SEZ6: variants seen among roughly 807,000 people sequenced by gnomAD.
The protein encoded by SEZ6 is seizure related 6 homolog.
A neutral mutation model predicts 101.0 loss-of-function variants in SEZ6; 53 were observed. That is an observed-to-expected ratio of 0.52 (90% confidence interval 0.42 to 0.66). The LOEUF is 0.66. Ranked by LOEUF, SEZ6 falls within the 30% of genes least tolerant of loss-of-function variation. SEZ6 has a pLI of 0.00. For synonymous variants in SEZ6, 488 were observed against 512.2 expected (o/e 0.95, Z 0.64); for missense variants, 1,102 against 1,289.4 (o/e 0.85, Z 2.23).
rs755124871 is a variant in SEZ6 at position 28,955,909 on chromosome 17, G to A, written c.*53C>T. 2.4e-5 allele frequency: 38 copies of A among 1,591,516 alleles called. No individual in the cohort carries two copies. The highest frequency in any genetic ancestry group is 3.2e-5 in the Non-Finnish European group (37 of 1,165,846). On this transcript the variant is annotated 3_prime_UTR_variant, in exon 17 of 17. Transcript: ENST00000317338. Reference sequence around the variant, plus strand: ...AAGCAAGGAGCCTTGCTGCTGGACTGTGGTGCAAGTCTGAGTTGACTTCCC... The same window carrying A: ...AAGCAAGGAGCCTTGCTGCTGGACTATGGTGCAAGTCTGAGTTGACTTCCC...
chr17:28,986,076 CA>C (rs1266859172), intron 1 of SEZ6, among the ~76,000 whole-genome samples: 3 of 152,260 alleles, frequency 2.0e-5, no homozygotes, highest in African/African-American at 7.2e-5. Context: ...CCAGCCCTGG[CA>C]TGGCCCCGCC....
rs552485681 is a variant in SEZ6, at chr17:28,957,729, C to G, written c.2303-190G>C. 4 of 851,792 alleles carry G rather than the reference C, an allele frequency of 4.7e-6. No individual in the cohort carries two copies. In the East Asian group the frequency reaches 1.1e-4, roughly 23 times the overall value. The allele number at this position is 851,792 out of a possible 1,614,324, so 52.8% of individuals were successfully genotyped here. Reference sequence around the variant, plus strand: ...TCCCATCTATTAGGTTCGATAAAAACTGATTGGCCATCTACCAGGAATGAA... The same window carrying G: ...TCCCATCTATTAGGTTCGATAAAAAGTGATTGGCCATCTACCAGGAATGAA... On this transcript the variant is annotated intron_variant, in intron 11 of 16. Coordinates refer to ENST00000317338, the MANE Select transcript of SEZ6 (RefSeq NM_178860.5).
chr17:28,995,278 G>T (rs183955671), intron 1 of SEZ6, among the ~76,000 whole-genome samples: 16 of 152,138 alleles, frequency 1.1e-4, no homozygotes, highest in African/African-American at 3.6e-4. Context: ...GTCTGTGTGT[G>T]TGCACATGTG....
chr17:28,956,229 CG>C lies in SEZ6; in HGVS notation c.2881del (p.Arg961AlafsTer12). The C allele has an allele frequency of 7.6e-7, 1 of 1,313,870 alleles. No homozygotes were observed. Among genetic ancestry groups the C allele is most frequent in the Non-Finnish European group, 9.8e-7 (1 of 1,021,918 alleles). 81.4% of individuals were successfully genotyped at this position (1,313,870 alleles called of 1,614,324 possible). On this transcript the variant is annotated frameshift_variant, in exon 16 of 17. Coordinates refer to ENST00000317338, the MANE Select transcript of SEZ6 (RefSeq NM_178860.5). LOFTEE classifies it high-confidence loss of function. Reference sequence around the variant, plus strand: ...GCGGTTGTAGGGGCGGGGGCGGGGGCGGGGCAGCTGCAGGGAGCTTTTTCCC... The same window carrying C: ...GCGGTTGTAGGGGCGGGGGCGGGGGCGGGCAGCTGCAGGGAGCTTTTTCCC... ...LQGKSSLQLP[R>X]PRPRPYNRIT...
chr17:28,982,337 G>A (rs925639123), intron 1 of SEZ6, among the ~76,000 whole-genome samples: 3 of 152,154 alleles, frequency 2.0e-5, no homozygotes, highest in South Asian at 2.1e-4. Flanking sequence ...CCTCAACACA[G>A]CACTCCACGA....
intron 5 of SEZ6, among the ~76,000 whole-genome samples, chr17:28,961,643 T>C (rs1323309551): frequency 2.0e-5 from 3 of 152,238 alleles, no homozygotes; most frequent in Non-Finnish European, 4.4e-5. Context: ...GGCTTGGGGC[T>C]GTCCTCTCTT....
rs2152683506 is a variant in SEZ6, at chr17:28,959,198, A to G, written c.1934T>C (p.Val645Ala). 1 of 1,613,500 alleles carries G rather than the reference A, an allele frequency of 6.2e-7. No individual in the cohort carries two copies. Among genetic ancestry groups the G allele is most frequent in the East Asian group, 2.2e-5 (1 of 44,878 alleles). Residue 645 changes from valine (V) to alanine (A), a missense_variant, in exon 10 of 17, where the codon GTG (valine) becomes GCG (alanine). Coordinates refer to ENST00000317338, the MANE Select transcript of SEZ6 (RefSeq NM_178860.5). This position sits in a 1 kb window ranked among gnomAD's most constrained non-coding sequence, Gnocchi z 4.4. Reference sequence around the variant, plus strand: ...GTCATCCCCATCATAGAAGGTAAGCACATCACCAGGGCCTATGCGCAGCCT... The same window carrying G: ...GTCATCCCCATCATAGAAGGTAAGCGCATCACCAGGGCCTATGCGCAGCCT... Reference protein sequence around the residue: ...IRVLRIGPGDVLTFYDGDDLT... With the variant: ...IRVLRIGPGDALTFYDGDDLT...
rs536310571 is a variant in SEZ6 at position 28,972,042 on chromosome 17, C to T, written c.859-2090G>A. Among the ~76,000 whole-genome samples, 4 of 152,394 alleles carry T rather than the reference C, an allele frequency of 2.6e-5. No homozygotes were observed. The East Asian group carries it at 7.7e-4, about 29-fold the overall frequency. The stretch of plus-strand genomic sequence containing the variant: ...TGCACTGCAGCCGCAGACCACCCCT[C>T]ACTTCTGCCCCCTGGGCATCCACAT... On this transcript the variant is annotated intron_variant, in intron 3 of 16. Coordinates refer to ENST00000317338, the MANE Select transcript of SEZ6 (RefSeq NM_178860.5).
intron 1 of SEZ6, among the ~76,000 whole-genome samples, chr17:28,987,980 C>G (rs551156418): frequency 7.9e-5 from 12 of 152,320 alleles, no homozygotes; most frequent in Admixed American, 6.5e-4. Flanking sequence ...CTGGACACCA[C>G]TATCCTAGCG....
At position 29,005,764 on chromosome 17, in the gene SEZ6, TG is replaced by T; in HGVS notation, c.55+50del. 6.8e-7 allele frequency: 1 copy of T among 1,464,012 alleles called. No individual in the cohort carries two copies. The highest frequency in any genetic ancestry group is 9.0e-7 in the Non-Finnish European group (1 of 1,105,498). 90.7% of individuals were successfully genotyped at this position (1,464,012 alleles called of 1,614,324 possible). A position where few individuals can be genotyped will look rare whatever the true frequency, so the allele number is the denominator to read the frequency against. On this transcript the variant is annotated intron_variant, in intron 1 of 16. Transcript: ENST00000317338. The surrounding 1 kb of genome is among the most constrained non-coding windows in gnomAD (Gnocchi z 4.8). The stretch of plus-strand genomic sequence containing the variant: ...GGCACCGGGTCTCCCTTCCCACCCC[TG>T]GGGCCCCGCTCCCGCCCCCGTCCTG...
At chr17:28,985,108 C>T (rs1291193278) in intron 1 of SEZ6, among the ~76,000 whole-genome samples, 3 of 152,212 alleles carry the variant, frequency 2.0e-5, no homozygotes, top group Non-Finnish European at 2.9e-5. Context: ...TTTAAACCTT[C>T]GATGATTTGG....
intron 1 of SEZ6, among the ~76,000 whole-genome samples, chr17:29,001,919 C>A (rs146032197): frequency 5.3e-5 from 8 of 152,276 alleles, no homozygotes; most frequent in South Asian, 2.1e-4. Flanking sequence ...CTCTCCTGTG[C>A]TATAAGGCAT....
chr17:28,997,099 A>G (rs967286431), intron 1 of SEZ6, among the ~76,000 whole-genome samples: 3 of 152,046 alleles, frequency 2.0e-5, no homozygotes, highest in African/African-American at 7.2e-5. Context: ...AGAGGGAGGC[A>G]TGGGAGAGAA....
intron 1 of SEZ6, among the ~76,000 whole-genome samples, chr17:28,985,316 C>G (rs760432515): frequency 6.6e-6 from 1 of 152,220 alleles, no homozygotes; most frequent in Non-Finnish European, 1.5e-5. Context: ...CCTGGTCGAG[C>G]AGGCCCTCAG....
At chr17:28,961,728 C>A (rs779050485) in intron 5 of SEZ6, among the ~76,000 whole-genome samples, 1 of 152,098 alleles carries the variant, frequency 6.6e-6, no homozygotes, top group African/African-American at 2.4e-5. Context: ...AAACTCCTGG[C>A]GGTTATGTGA....
chr17:28,991,152 G>A (rs1054648828), intron 1 of SEZ6, among the ~76,000 whole-genome samples: 1 of 151,920 alleles, frequency 6.6e-6, no homozygotes, highest in African/African-American at 2.4e-5. Flanking sequence ...TGATCTACCC[G>A]CCTTGGCCTC....
intron 4 of SEZ6, among the ~76,000 whole-genome samples, chr17:28,969,319 T>G (rs2041115550): frequency 6.6e-6 from 1 of 152,216 alleles, no homozygotes; most frequent in South Asian, 2.1e-4. Context: ...ACCTTCACCC[T>G]CTTGCATTTG....
intron 4 of SEZ6, among the ~76,000 whole-genome samples, chr17:28,966,122 G>A (rs1391580380): frequency 6.6e-6 from 1 of 151,154 alleles, no homozygotes; most frequent in South Asian, 2.1e-4. Flanking sequence ...CAGCCTGGGC[G>A]ACAGAGTGAG....
Position 28,960,552 on chromosome 17 carries a change from C to G in SEZ6, c.1529G>C (p.Ser510Thr). 1 of 1,593,598 alleles carries G rather than the reference C, an allele frequency of 6.3e-7. No homozygotes were observed. Among genetic ancestry groups the G allele is most frequent in the Non-Finnish European group, 8.5e-7 (1 of 1,170,494 alleles). Residue 510 changes from serine to threonine, a missense_variant, in exon 7 of 17, where the codon AGT (serine) becomes ACT (threonine). Transcript: ENST00000317338. ...SSGKHFFVEL[S>T]TDSSGAAAGM... The stretch of plus-strand genomic sequence containing the variant: ...TGCAGCTGCCCCGCTGCTGTCAGTA[C>G]TGAGCTCAACAAAGAAGTGTTTGCC...
Sources: gnomAD v4.1 joint callset for allele counts (sites outside exome capture counted in the v4.1 genomes callset) on GRCh38, gnomAD v4.1.1 for gene constraint, Gnocchi (gnomAD v3.1) non-coding constraint, MANE v1.5 for transcripts, NCBI Gene and HGNC (gene_info 2026-07-23, HGNC 2026-07-21) for gene names.